Variants in DES observed in about 807,000 individuals in gnomAD.
The protein encoded by DES is desmin.
DES carries 34 observed loss-of-function variants against 55.1 expected under a neutral mutation model. That is an observed-to-expected ratio of 0.62 (90% CI 0.47 to 0.82). The LOEUF is 0.82. Ranked by LOEUF, DES falls within the 40% of genes least tolerant of loss-of-function variation. The pLI, the probability that DES is intolerant of heterozygous loss-of-function variation, is 0.00. For synonymous variants in DES, 259 were observed against 270.8 expected (o/e 0.96, Z 0.43); for missense variants, 596 against 645.9 (o/e 0.92, Z 0.84).
intron 6 of DES, among the ~76,000 whole-genome samples, chr2:219,421,767 A>G (rs1472621926): frequency 6.6e-6 from 1 of 152,072 alleles, no homozygotes; most frequent in Non-Finnish European, 1.5e-5. Context: ...CCTGGGTTCA[A>G]GCAATTCTCC....
At chr2:219,425,575 C>T (rs1006665509) in intron 7 of DES, 88 bp from the exon 8 acceptor site, 41 of 1,186,114 alleles carry the variant, frequency 3.5e-5, no homozygotes, top group Non-Finnish European at 4.4e-5. Flanking sequence ...TAGGGCTCTG[C>T]CCAATGTGGC....
chr2:219,421,692 G>A (rs1263818250), intron 6 of DES, 132 bp downstream of exon 6: 2 of 800,570 alleles, frequency 2.5e-6, no homozygotes, highest in Admixed American at 2.8e-5. Flanking sequence ...TTGAGATGGA[G>A]TTTCGCTCTT....
chr2:219,425,853 A>G lies in DES; in HGVS notation c.1372-96A>G, dbSNP rs1259261185. ...GTCTAGGTCCCTGGCTAGTGGGGCA[A>G]GAGAGATCCTGCGGCCCTGGGGTGG... On this transcript the variant is annotated intron_variant, in intron 8 of 8. Coordinates refer to ENST00000373960, the MANE Select transcript of DES (RefSeq NM_001927.4). The G allele has an allele frequency of 2.5e-6, 4 of 1,600,614 alleles. No individual in the cohort carries two copies. In the African/African-American group the frequency reaches 4.0e-5, roughly 16 times the overall value.
At chr2:219,425,428 T>A (rs918126216) in intron 7 of DES, 2 of 548,488 alleles carry the variant, frequency 3.6e-6, no homozygotes, top group South Asian at 3.9e-5. Context: ...GGAGCAAATC[T>A]GTTGGCTCCT....
chr2:219,425,810 TTCCACCCA>T, intron 8 of DES, 65 bp downstream of exon 8: 1 of 1,595,610 alleles, frequency 6.3e-7, no homozygotes, highest in Non-Finnish European at 8.6e-7. Context: ...GGGGACTGTC[TTCCACCCA>T]GCTGTGCTGG....
At position 219,420,777 on chromosome 2, in the gene DES, T is replaced by G. The variant is rs1216321119; in HGVS notation, c.898-51T>G. 4 of 1,613,584 alleles carry G rather than the reference T, an allele frequency of 2.5e-6. No homozygotes were observed. The South Asian group carries it at 4.4e-5, about 18-fold the overall frequency. On this transcript the variant is annotated intron_variant, in intron 4 of 8. Coordinates refer to ENST00000373960, the MANE Select transcript of DES (RefSeq NM_001927.4). The surrounding 1 kb of genome is among the most constrained non-coding windows in gnomAD (Gnocchi z 6.0). Reference sequence around the variant, plus strand: ...GGCTTCATGCTCCCTTGCTCATCCCTACCCGTGCCCTGCATCCTTCTCATT... The same window carrying G: ...GGCTTCATGCTCCCTTGCTCATCCCGACCCGTGCCCTGCATCCTTCTCATT...
At position 219,426,371 on chromosome 2, in the gene DES, G is replaced by T. The variant is rs1954538109; in HGVS notation, c.*381G>T. On this transcript the variant is annotated 3_prime_UTR_variant, in exon 9 of 9. Coordinates refer to ENST00000373960, the MANE Select transcript of DES (RefSeq NM_001927.4). The surrounding 1 kb of genome is among the most constrained non-coding windows in gnomAD (Gnocchi z 4.5). ...GGGTGTTGGGATACTGCAGGGCCAG[G>T]ACTGAGCCCCGCAGACCTCCCCAGC... The T allele has an allele frequency of 7.5e-6, 3 of 401,120 alleles. No individual in the cohort carries two copies. Among genetic ancestry groups the T allele is most frequent in the African/African-American group, 6.1e-5 (3 of 48,786 alleles). 24.8% of individuals were successfully genotyped at this position (401,120 alleles called of 1,614,324 possible). A position where few individuals can be genotyped will look rare whatever the true frequency, so the allele number is the denominator to read the frequency against.
At position 219,418,901 on chromosome 2, in the gene DES, G is replaced by C; in HGVS notation, c.439G>C (p.Glu147Gln). Reference protein sequence around the residue: ...AAEVNRLKGREPTRVAELYEE... With the variant: ...AAEVNRLKGRQPTRVAELYEE... ...CGAAGTGAACCGGCTCAAGGGCCGCGAGCCGACGCGAGTGGCCGAGCTCTA... is the reference window on the plus strand; with the variant it reads ...CGAAGTGAACCGGCTCAAGGGCCGCCAGCCGACGCGAGTGGCCGAGCTCTA... The change falls in exon 1 of 9, where the codon GAG becomes CAG. Residue 147 changes from glutamate (E) to glutamine (Q), a missense_variant. Transcript: ENST00000373960. 1.3e-6 allele frequency: 2 copies of C among 1,562,864 alleles called. No homozygotes were observed. Among genetic ancestry groups the C allele is most frequent in the Non-Finnish European group, 1.7e-6 (2 of 1,153,784 alleles).
intron 6 of DES, among the ~76,000 whole-genome samples, chr2:219,423,170 C>G (rs12621188): frequency 0.51 from 77,594 of 152,130 alleles, 23,769 homozygotes; most frequent in East Asian, 0.81. Context: ...GTACCAACTT[C>G]AGTGCCAGGA....
rs548986110 is a variant in DES, at chr2:219,426,275, C to T, written c.*285C>T. On this transcript the variant is annotated 3_prime_UTR_variant, in exon 9 of 9. Coordinates refer to ENST00000373960, the MANE Select transcript of DES (RefSeq NM_001927.4). This position sits in a 1 kb window ranked among gnomAD's most constrained non-coding sequence, Gnocchi z 4.5. The stretch of plus-strand genomic sequence containing the variant: ...GTGCTGGATGGAGCCCAGGCGGGAG[C>T]GGTGGCCCTGTCCCTCCCACCTCTG... 24 of 578,600 alleles carry T rather than the reference C, an allele frequency of 4.1e-5. No homozygotes were observed. The East Asian group carries it at 5.7e-4, about 14-fold the overall frequency. The allele number at this position is 578,600 out of a possible 1,614,324, so 35.8% of individuals were successfully genotyped here. A position where few individuals can be genotyped will look rare whatever the true frequency, so the allele number is the denominator to read the frequency against.
In DES at chr2:219,426,487, T is replaced by C; in HGVS notation, c.*497T>C. ...GGCTTGAAATTGTCCCCGTGGTCTCTTACTTTCCTTTCCCCAGCCCAGGGT... is the reference window on the plus strand; with the variant it reads ...GGCTTGAAATTGTCCCCGTGGTCTCCTACTTTCCTTTCCCCAGCCCAGGGT... On this transcript the variant is annotated 3_prime_UTR_variant, in exon 9 of 9. Transcript: ENST00000373960. The surrounding 1 kb of genome is among the most constrained non-coding windows in gnomAD (Gnocchi z 4.5). 1 of 220,160 alleles carries C rather than the reference T, an allele frequency of 4.5e-6. No homozygotes were observed. Among genetic ancestry groups the C allele is most frequent in the Non-Finnish European group, 9.2e-6 (1 of 108,262 alleles). 13.6% of individuals were successfully genotyped at this position (220,160 alleles called of 1,614,324 possible).
In DES at chr2:219,421,238, G is replaced by T. The variant is rs552699414; in HGVS notation, c.1024-102G>T. On this transcript the variant is annotated intron_variant, in intron 5 of 8. Coordinates refer to ENST00000373960, the MANE Select transcript of DES (RefSeq NM_001927.4). ...TAATTTGAGTTCAGGGTTCAACATG[G>T]CCTGGACCTGACCATCTGGAGTTGC... The T allele has an allele frequency of 3.4e-5, 43 of 1,280,928 alleles. No homozygotes were observed. In the South Asian group the frequency reaches 4.8e-4, roughly 14 times the overall value. 79.3% of individuals were successfully genotyped at this position (1,280,928 alleles called of 1,614,324 possible). A position where few individuals can be genotyped will look rare whatever the true frequency, so the allele number is the denominator to read the frequency against.
chr2:219,420,110 T>C lies in DES; in HGVS notation c.594T>C (p.Ile198=), dbSNP rs1423990351. 1 of 1,614,164 alleles carries C rather than the reference T, an allele frequency of 6.2e-7. No homozygotes were observed. The highest frequency in any genetic ancestry group is 8.5e-7 in the Non-Finnish European group (1 of 1,180,026). The change falls in exon 2 of 9, where the codon ATT becomes ATC. Residue 198 remains isoleucine (I), a synonymous_variant. Coordinates refer to ENST00000373960, the MANE Select transcript of DES (RefSeq NM_001927.4). This position sits in a 1 kb window ranked among gnomAD's most constrained non-coding sequence, Gnocchi z 6.0. ...TCCCACCCAGGCTGCAGGAGGAGAT[T>C]CAGTTGAAGGAAGAAGCAGAGAACA... ...QRLKAKLQEE[I]QLKEEAENNL... is the part of the protein sequence containing the mutation.
chr2:219,420,913 T>C lies in DES; in HGVS notation c.983T>C (p.Ile328Thr). 2 of 1,613,540 alleles carry C rather than the reference T, an allele frequency of 1.2e-6. No individual in the cohort carries two copies. Among genetic ancestry groups the C allele is most frequent in the Non-Finnish European group, 1.7e-6 (2 of 1,179,674 alleles). ...GAGATGATGGAATACCGACACCAGA[T>C]CCAGTCCTACACCTGCGAGATTGAC... is the stretch of plus-strand genomic sequence containing the variant. The part of the protein sequence containing the change: ...KQEMMEYRHQ[I>T]QSYTCEIDAL... Residue 328 changes from isoleucine to threonine, a missense_variant, in exon 5 of 9, where the codon ATC (isoleucine) becomes ACC (threonine). By Grantham distance (89) the Ile-to-Thr change is moderately conservative (BLOSUM62 -1). Transcript: ENST00000373960. The surrounding 1 kb of genome is among the most constrained non-coding windows in gnomAD (Gnocchi z 6.0).
rs1954488237 is a variant in DES, at chr2:219,423,811, A to T, written c.1279A>T (p.Asn427Tyr). 1 of 1,613,810 alleles carries T rather than the reference A, an allele frequency of 6.2e-7. No homozygotes were observed. Residue 427 changes from asparagine to tyrosine, a missense_variant, in exon 7 of 9, where the codon AAC (asparagine) becomes TAC (tyrosine). By Grantham distance (143) the Asn-to-Tyr change is moderately radical. Transcript: ENST00000373960. ...NLPIQTYSAL[N>Y]FRETSPEQRG... is the part of the protein sequence containing the mutation. ...CCCCATCCAGACCTACTCTGCCCTC[A>T]ACTTCCGAGGTGAGTGTCTGCTGGC...
In DES at chr2:219,418,744, C is replaced by G. The variant is rs397516693; in HGVS notation, c.282C>G (p.Ala94=). ...GAGELLDFSL[A]DAVNQEFLTT... ...GCGAGCTGCTGGACTTCTCACTGGC[C>G]GACGCGGTGAACCAGGAGTTTCTGA... Residue 94 remains alanine (A), a synonymous_variant, in exon 1 of 9, where the codon GCC becomes GCG. Coordinates refer to ENST00000373960, the MANE Select transcript of DES (RefSeq NM_001927.4). 1.1e-5 allele frequency: 17 copies of G among 1,561,558 alleles called. No homozygotes were observed. Among genetic ancestry groups the G allele is most frequent in the Admixed American group, 9.7e-5 (5 of 51,726 alleles).
chr2:219,422,577 G>T (rs1216028323), intron 6 of DES, among the ~76,000 whole-genome samples: 1 of 146,316 alleles, frequency 6.8e-6, no homozygotes, highest in East Asian at 2.1e-4. Context: ...CGGTTCTCCT[G>T]TCTCAGCCTC....
At position 219,418,617 on chromosome 2, in the gene DES, G is replaced by A. The variant is rs1372689272; in HGVS notation, c.155G>A (p.Arg52His). 6.2e-7 allele frequency: 1 copy of A among 1,602,764 alleles called. No individual in the cohort carries two copies. Among genetic ancestry groups the A allele is most frequent in the African/African-American group, 1.3e-5 (1 of 74,834 alleles). The change falls in exon 1 of 9, where the codon CGC (arginine) becomes CAC (histidine). Residue 52 changes from arginine (R) to histidine (H), a missense_variant. Physicochemically the swap from Arg to His is conservative, Grantham distance 29. Coordinates refer to ENST00000373960, the MANE Select transcript of DES (RefSeq NM_001927.4). ...SKGSSSSVTS[R>H]VYQVSRTSGG... ...GGCTCCTCCAGCTCGGTGACGTCCC[G>A]CGTGTACCAGGTGTCGCGCACGTCG...
At chr2:219,425,798 G>C in intron 8 of DES, 53 bp downstream of exon 8, 2 of 1,602,852 alleles carry the variant, frequency 1.2e-6, no homozygotes, top group Non-Finnish European at 1.7e-6. Flanking sequence ...GGATGTGTCT[G>C]GGGGGACTGT....
Sources: allele counts gnomAD v4.1 joint callset (sites outside exome capture counted in the v4.1 genomes callset), GRCh38; gene constraint gnomAD v4.1.1; non-coding constraint Gnocchi (gnomAD v3.1); transcripts MANE v1.5; gene names NCBI Gene and HGNC (gene_info 2026-07-23, HGNC 2026-07-21).